GRM8: variants seen among roughly 807,000 people sequenced by gnomAD.
GRM8 encodes the protein metabotropic glutamate receptor 8.
GRM8 carries 47 observed loss-of-function variants against 87.2 expected under a neutral mutation model. The observed-to-expected ratio is 0.54, with a 90% CI of 0.43 to 0.69. The LOEUF (loss-of-function observed/expected upper bound fraction) is 0.69, where lower values mean the gene tolerates loss of function less well. Among genes scored for constraint, GRM8 ranks in the 30% least tolerant of loss-of-function variants. The probability of loss-of-function intolerance (pLI) is 0.00; values close to 1 mark genes in which losing one functional copy is unlikely to be tolerated. For synonymous variants in GRM8, 396 were observed against 404.5 expected, an observed-to-expected ratio of 0.98 and a Z score of 0.25; for missense variants, 1,019 against 1,139.2, an observed-to-expected ratio of 0.89 and a Z score of 1.52.
chr7:127,147,565 A>G (rs1828621403), intron 2 of GRM8, among the ~76,000 whole-genome samples: 1 of 151,874 alleles, frequency 6.6e-6, no homozygotes. Flanking sequence ...GCTTAATTCC[A>G]CCTTCTGCCC....
chr7:126,581,490 A>G (rs1158691897), intron 8 of GRM8, among the ~76,000 whole-genome samples: 3 of 152,148 alleles, frequency 2.0e-5, no homozygotes, highest in African/African-American at 4.8e-5. Flanking sequence ...CAGGAAATGA[A>G]TAAGTTCATG....
At chr7:126,573,432 A>T (rs892280548) in intron 8 of GRM8, among the ~76,000 whole-genome samples, 2 of 152,294 alleles carry the variant, frequency 1.3e-5, no homozygotes, top group Admixed American at 1.3e-4. Flanking sequence ...GTAACCAAAA[A>T]TAGAGGATTA....
At chr7:127,132,996 G>A (rs1827769089) in intron 2 of GRM8, among the ~76,000 whole-genome samples, 1 of 152,248 alleles carries the variant, frequency 6.6e-6, no homozygotes, top group Non-Finnish European at 1.5e-5. Flanking sequence ...GCTGGGCACA[G>A]TGGCACATGC....
At chr7:127,242,376 C>T (rs999838934) in intron 2 of GRM8, among the ~76,000 whole-genome samples, 5 of 151,926 alleles carry the variant, frequency 3.3e-5, no homozygotes, top group Admixed American at 6.6e-5. Context: ...TTCAAAAATG[C>T]TTGTTTAATT....
chr7:126,884,368 A>G (rs1348169011), intron 6 of GRM8, among the ~76,000 whole-genome samples: 2 of 152,174 alleles, frequency 1.3e-5, no homozygotes, highest in African/African-American at 4.8e-5. Flanking sequence ...TTTATATGGG[A>G]GTTCTGTGGC....
At chr7:126,442,224 A>G (rs1273538928) in intron 10 of GRM8, among the ~76,000 whole-genome samples, 1 of 151,986 alleles carries the variant, frequency 6.6e-6, no homozygotes, top group Admixed American at 6.6e-5. Context: ...TGAACCATAC[A>G]TGAGACCTAA....
rs1796969654 is a variant in GRM8, at chr7:127,222,126, C to T, written c.510+20569G>A. Among the ~76,000 whole-genome samples, 2 of 152,142 alleles carry T rather than the reference C, an allele frequency of 1.3e-5. 1 individual carries two copies. The highest frequency in any genetic ancestry group is 1.3e-4 in the Admixed American group (2 of 15,284). ...GTTTTCATTACAGCATTAACATCAC[C>T]AACATGCAGTGGCTCATGCCAGTAA... is the stretch of plus-strand genomic sequence containing the variant. On this transcript the variant is annotated intron_variant, in intron 2 of 10. Coordinates refer to ENST00000339582, the MANE Select transcript of GRM8 (RefSeq NM_000845.3).
chr7:127,035,970 C>T (rs1293064646), intron 3 of GRM8, among the ~76,000 whole-genome samples: 1 of 152,156 alleles, frequency 6.6e-6, no homozygotes, highest in Non-Finnish European at 1.5e-5. Flanking sequence ...TTGCCCCCAA[C>T]ATTTGGGCTT....
intron 6 of GRM8, among the ~76,000 whole-genome samples, chr7:126,826,397 T>C (rs1319615856): frequency 6.6e-6 from 1 of 152,244 alleles, no homozygotes; most frequent in Non-Finnish European, 1.5e-5. Flanking sequence ...TCCTGACTTT[T>C]TAATGATTGC....
chr7:126,827,093 G>A (rs902107238), intron 6 of GRM8, among the ~76,000 whole-genome samples: 1 of 152,072 alleles, frequency 6.6e-6, no homozygotes, highest in Non-Finnish European at 1.5e-5. Context: ...TTTGGTAGCA[G>A]TACCATGCTG....
At chr7:127,107,660 T>A (rs1246008110) in intron 2 of GRM8, among the ~76,000 whole-genome samples, 1 of 152,206 alleles carries the variant, frequency 6.6e-6, no homozygotes, top group Admixed American at 6.5e-5. Flanking sequence ...TCAAAGAGGA[T>A]GTCGGAGTTG....
At chr7:126,894,173 G>A (rs1404565272) in intron 6 of GRM8, among the ~76,000 whole-genome samples, 2 of 151,938 alleles carry the variant, frequency 1.3e-5, no homozygotes, top group Non-Finnish European at 2.9e-5. Flanking sequence ...TTAATGAATT[G>A]GTTCCCTCAA....
intron 7 of GRM8, among the ~76,000 whole-genome samples, chr7:126,622,846 C>CT (rs1211009480): frequency 1.3e-5 from 2 of 152,152 alleles, no homozygotes; most frequent in African/African-American, 4.8e-5. Context: ...CTCTTTTACT[C>CT]TTTGACACAT....
chr7:127,097,633 C>T lies in GRM8; in HGVS notation c.727+8863G>A, dbSNP rs1490192297. On this transcript the variant is annotated intron_variant, in intron 3 of 10. Coordinates refer to ENST00000339582, the MANE Select transcript of GRM8 (RefSeq NM_000845.3). ...ATCCCCATTCCTTTCACTAGTAATA[C>T]CTGATATTAAGTAGCACTTTTGAGT... Among the ~76,000 whole-genome samples the T allele has an allele frequency of 2.6e-5, 4 of 152,118 alleles. No individual in the cohort carries two copies. The East Asian group carries it at 7.7e-4, about 29-fold the overall frequency.
chr7:126,532,766 T>TGC (rs1815035258), intron 9 of GRM8, among the ~76,000 whole-genome samples, 186 bp downstream of exon 9: 1 of 2,826 alleles, frequency 3.5e-4, no homozygotes, highest in Admixed American at 1.6e-3. Flanking sequence ...CGGATGGAGA[T>TGC]ATATATATAT....
At chr7:126,876,422 A>G (rs1214674997) in intron 6 of GRM8, among the ~76,000 whole-genome samples, 1 of 152,216 alleles carries the variant, frequency 6.6e-6, no homozygotes, top group Non-Finnish European at 1.5e-5. Flanking sequence ...AAGATTCTGT[A>G]CATTTATCAA....
intron 6 of GRM8, among the ~76,000 whole-genome samples, chr7:126,842,334 G>A (rs551653017): frequency 4.7e-4 from 72 of 152,292 alleles, no homozygotes; most frequent in African/African-American, 1.7e-3. Context: ...CTGAAAGCAA[G>A]TGATTTCTAA....
intron 9 of GRM8, among the ~76,000 whole-genome samples, chr7:126,498,025 C>G (rs1472809820): frequency 6.6e-6 from 1 of 151,872 alleles, no homozygotes; most frequent in Non-Finnish European, 1.5e-5. Flanking sequence ...TCCCTTGACC[C>G]TGAAATATCT....
intron 7 of GRM8, among the ~76,000 whole-genome samples, chr7:126,638,446 G>A (rs1802064930): frequency 6.6e-6 from 1 of 152,100 alleles, no homozygotes; most frequent in Admixed American, 6.6e-5. Context: ...CCACTAATTT[G>A]TTCATATATT....
Sources: allele counts gnomAD v4.1 joint callset (sites outside exome capture counted in the v4.1 genomes callset), GRCh38; gene constraint gnomAD v4.1.1; transcripts MANE v1.5; gene names NCBI Gene and HGNC (gene_info 2026-07-23, HGNC 2026-07-21).